ICA1: variants seen among roughly 807,000 people sequenced by gnomAD.
ICA1 encodes islet cell autoantigen 1.
ICA1 carries 40 observed loss-of-function variants against 71.0 expected under a neutral mutation model. The ratio of observed to expected loss-of-function variants is 0.56; its 90% CI spans 0.44 to 0.73. The LOEUF (loss-of-function observed/expected upper bound fraction) is 0.73. Among genes scored for constraint, ICA1 ranks in the 30% least tolerant of loss-of-function variants. ICA1 has a pLI of 0.00. For missense variants in ICA1, 578 were observed against 576.5 expected, an observed-to-expected ratio of 1.00 and a Z score of -0.03; for synonymous variants, 207 against 209.5, an observed-to-expected ratio of 0.99 and a Z score of 0.10.
intron 13 of ICA1, 82 bp from the exon 14 acceptor site, chr7:8,114,126 C>T: frequency 7.6e-6 from 11 of 1,454,972 alleles, no homozygotes; most frequent in Non-Finnish European, 1.1e-5. Context: ...AGGTCCAGGT[C>T]ATCTTCAAAT....
At chr7:8,241,206 T>C (rs1005367074) in intron 1 of ICA1, among the ~76,000 whole-genome samples, 2 of 152,188 alleles carry the variant, frequency 1.3e-5, no homozygotes, top group Non-Finnish European at 2.9e-5. Flanking sequence ...ATCAGACTAA[T>C]AGCAGATCTC....
chr7:8,259,622 C>A (rs1257389906), intron 1 of ICA1, among the ~76,000 whole-genome samples: 2 of 152,180 alleles, frequency 1.3e-5, no homozygotes, highest in African/African-American at 4.8e-5. Context: ...CTAATCTCCA[C>A]CCTGCCCCTA....
At chr7:8,181,248 A>G (rs1782115012) in intron 6 of ICA1, among the ~76,000 whole-genome samples, 2 of 152,138 alleles carry the variant, frequency 1.3e-5, no homozygotes. Context: ...ATTTTCTCCA[A>G]TGAATTACAG....
intron 6 of ICA1, among the ~76,000 whole-genome samples, chr7:8,174,076 G>C (rs951984589): frequency 1.3e-5 from 2 of 152,074 alleles, no homozygotes; most frequent in Non-Finnish European, 1.5e-5. Context: ...GAGACCTGGA[G>C]GAAATGAGGA....
At chr7:8,122,463 T>C (rs1787363177) in intron 13 of ICA1, among the ~76,000 whole-genome samples, 2 of 152,268 alleles carry the variant, frequency 1.3e-5, no homozygotes, top group African/African-American at 4.8e-5. Context: ...GGGGACTAAA[T>C]TCTGCAGAGC....
At position 8,132,407 on chromosome 7, in the gene ICA1, TTTC is replaced by T. The variant is rs1371171527; in HGVS notation, c.1061-4268_1061-4266del. Among the ~76,000 whole-genome samples, 2 of 152,162 alleles carry T rather than the reference TTTC, an allele frequency of 1.3e-5. No homozygotes were observed. Among genetic ancestry groups the T allele is most frequent in the Non-Finnish European group, 2.9e-5 (2 of 68,024 alleles). ...TCACACTTTCAAGTTACTGTTCTGG[TTTC>T]TTCTTCCTTCCACAACCACATACTC... is the stretch of plus-strand genomic sequence containing the variant. On this transcript the variant is annotated intron_variant, in intron 12 of 13. Transcript: ENST00000402384. This position sits in a 1 kb window ranked among gnomAD's most constrained non-coding sequence, Gnocchi z 4.5.
At chr7:8,214,470 G>T (rs965689173) in intron 6 of ICA1, among the ~76,000 whole-genome samples, 1 of 152,164 alleles carries the variant, frequency 6.6e-6, no homozygotes, top group Non-Finnish European at 1.5e-5. Flanking sequence ...GCTCAGCCCT[G>T]CCCCTTTAAA....
At chr7:8,161,999 C>G (rs773733832) in intron 6 of ICA1, among the ~76,000 whole-genome samples, 47 of 152,242 alleles carry the variant, frequency 3.1e-4, no homozygotes, top group South Asian at 8.3e-4. Context: ...CTAGGAGGTA[C>G]AAAGTAAATA....
At chr7:8,214,434 T>A (rs1470154759) in intron 6 of ICA1, among the ~76,000 whole-genome samples, 5 of 152,212 alleles carry the variant, frequency 3.3e-5, no homozygotes, top group Non-Finnish European at 7.3e-5. Context: ...AATCACGCTG[T>A]CAGGAGGAAC....
intron 6 of ICA1, among the ~76,000 whole-genome samples, chr7:8,179,682 C>T (rs1238649389): frequency 2.0e-5 from 3 of 152,088 alleles, no homozygotes; most frequent in Non-Finnish European, 4.4e-5. Flanking sequence ...ACTTCTGGTG[C>T]TCTTAGCCTT....
At chr7:8,259,758 T>A (rs912299513) in intron 1 of ICA1, among the ~76,000 whole-genome samples, 2 of 152,176 alleles carry the variant, frequency 1.3e-5, no homozygotes, top group Non-Finnish European at 2.9e-5. Context: ...CCAAAGCCCA[T>A]GAGTCCTCCA....
At chr7:8,128,836 T>G (rs6973579) in intron 12 of ICA1, among the ~76,000 whole-genome samples, 3 of 152,068 alleles carry the variant, frequency 2.0e-5, no homozygotes, top group Non-Finnish European at 2.9e-5. Context: ...GGCGTTGAAG[T>G]GAGCACCGGA....
At chr7:8,246,799 T>C (rs767082393) in intron 1 of ICA1, among the ~76,000 whole-genome samples, 4 of 152,158 alleles carry the variant, frequency 2.6e-5, no homozygotes, top group African/African-American at 4.8e-5. Context: ...CAGGCTGGAG[T>C]ATAGTGGTGC....
chr7:8,227,671 T>C (rs1308506383), intron 4 of ICA1: 2 of 427,110 alleles, frequency 4.7e-6, no homozygotes, highest in Non-Finnish European at 9.3e-6. Flanking sequence ...CAACGGCTCA[T>C]TATAGGTCAC....
chr7:8,113,897 T>C lies in ICA1; in HGVS notation c.*26A>G. ...CAGGGGAGCTGCTGGGGGCGGCATG[T>C]GAGTGCCCTCCCGAAGGGTACAGAT... On this transcript the variant is annotated 3_prime_UTR_variant, in exon 14 of 14. Coordinates refer to ENST00000402384, the MANE Select transcript of ICA1 (RefSeq NM_001136020.3). This position sits in a 1 kb window ranked among gnomAD's most constrained non-coding sequence, Gnocchi z 4.2. 1.2e-6 allele frequency: 2 copies of C among 1,613,922 alleles called. No individual in the cohort carries two copies. Among genetic ancestry groups the C allele is most frequent in the Non-Finnish European group, 1.7e-6 (2 of 1,179,828 alleles).
intron 1 of ICA1, among the ~76,000 whole-genome samples, chr7:8,261,821 A>G (rs946991625): frequency 2.0e-5 from 3 of 151,884 alleles, no homozygotes; most frequent in African/African-American, 7.3e-5. Context: ...ACGCTTCCCT[A>G]CCGCTCCCCC....
At chr7:8,169,901 A>AGTGTGTGTGTGTAT (rs1554305250) in intron 6 of ICA1, among the ~76,000 whole-genome samples, 2 of 147,196 alleles carry the variant, frequency 1.4e-5, no homozygotes, top group East Asian at 4.0e-4. Context: ...TTAATGCCTG[A>AGTGTGTGTGTGTAT]GTGTGTGTGT....
chr7:8,241,965 T>C (rs1804080213), intron 1 of ICA1, among the ~76,000 whole-genome samples: 1 of 152,132 alleles, frequency 6.6e-6, no homozygotes, highest in Admixed American at 6.5e-5. Context: ...ACAATAATAA[T>C]GGGAGACTTT....
chr7:8,203,106 G>T (rs1046472923), intron 6 of ICA1, among the ~76,000 whole-genome samples: 1 of 152,140 alleles, frequency 6.6e-6, no homozygotes, highest in African/African-American at 2.4e-5. Flanking sequence ...AACACCAAGG[G>T]GGCTTTAGCT....
Sources: allele counts gnomAD v4.1 joint callset (sites outside exome capture counted in the v4.1 genomes callset), GRCh38; gene constraint gnomAD v4.1.1; non-coding constraint Gnocchi (gnomAD v3.1); transcripts MANE v1.5; gene names NCBI Gene and HGNC (gene_info 2026-07-23, HGNC 2026-07-21).